Variants in TRIO observed in about 807,000 individuals in gnomAD.
TRIO encodes triple functional domain protein.
A neutral mutation model predicts 351.9 loss-of-function variants in TRIO; 58 were observed. That is an observed-to-expected ratio of 0.16 (90% confidence interval 0.13 to 0.21). The LOEUF is 0.21. TRIO is among the 10% of genes least tolerant of loss of function. The pLI is 1.00. For missense variants in TRIO, 3,201 were observed against 4,027.8 expected, an observed-to-expected ratio of 0.79 and a Z score of 5.56; for synonymous variants, 1,758 against 1,595.7, an observed-to-expected ratio of 1.10 and a Z score of -2.42.
rs1751021868 is a variant in TRIO, at chr5:14,430,661, A to G, written c.5203+10640A>G. Among the ~76,000 whole-genome samples, 5 of 151,754 alleles carry G rather than the reference A, an allele frequency of 3.3e-5. No individual in the cohort carries two copies. The South Asian group carries it at 1.0e-3, about 32-fold the overall frequency. On this transcript the variant is annotated intron_variant, in intron 34 of 56. Coordinates refer to ENST00000344204, the MANE Select transcript of TRIO (RefSeq NM_007118.4). ...TTTCTGAAGGATTCAGTTTCTTACCACAAACATTTCACAGTGAATTTCGTT... is the reference window on the plus strand; with the variant it reads ...TTTCTGAAGGATTCAGTTTCTTACCGCAAACATTTCACAGTGAATTTCGTT...
chr5:14,449,550 C>A (rs571496727), intron 34 of TRIO, among the ~76,000 whole-genome samples: 5 of 152,302 alleles, frequency 3.3e-5, no homozygotes, highest in African/African-American at 1.2e-4. Context: ...CAGCTATAGG[C>A]TCATCTTTTC....
intron 9 of TRIO, among the ~76,000 whole-genome samples, chr5:14,318,343 TACTC>T (rs1346275898): frequency 6.7e-6 from 1 of 149,970 alleles, no homozygotes; most frequent in Non-Finnish European, 1.5e-5. Flanking sequence ...TAATCCCAGT[TACTC>T]AGGAGGCTGA....
chr5:14,267,624 C>T (rs1165696505), intron 1 of TRIO, among the ~76,000 whole-genome samples: 3 of 152,188 alleles, frequency 2.0e-5, no homozygotes, highest in African/African-American at 7.2e-5. Context: ...AATAGCTCTT[C>T]AGGGCATGGA....
At chr5:14,431,578 G>A (rs1751145676) in intron 34 of TRIO, among the ~76,000 whole-genome samples, 1 of 151,890 alleles carries the variant, frequency 6.6e-6, no homozygotes, top group Non-Finnish European at 1.5e-5. Flanking sequence ...ATGCTAGAGG[G>A]GAAGAATATT....
Position 14,472,640 on chromosome 5 carries a change from C to T in TRIO, c.5961C>T (p.Asp1987=). 2.5e-6 allele frequency: 4 copies of T among 1,613,984 alleles called. No homozygotes were observed. The highest frequency in any genetic ancestry group is 3.4e-6 in the Non-Finnish European group (4 of 1,179,940). Residue 1987 remains aspartate (D), a synonymous_variant, in exon 39 of 57, where the codon GAC becomes GAT. Transcript: ENST00000344204. ...LVETERDYVR[D]LGYVVEGYMA... ...AGACAGAGCGTGACTATGTGCGGGA[C>T]CTTGGCTATGTGGTTGAGGTGTGTA...
chr5:14,380,504 C>G (rs901995172), intron 20 of TRIO, among the ~76,000 whole-genome samples: 1 of 151,190 alleles, frequency 6.6e-6, no homozygotes, highest in Non-Finnish European at 1.5e-5. Context: ...CGGCTGACTC[C>G]CCTCTCTCTG....
At chr5:14,331,797 T>G (rs1216404764) in intron 10 of TRIO, among the ~76,000 whole-genome samples, 1 of 152,224 alleles carries the variant, frequency 6.6e-6, no homozygotes. Context: ...TGAAGGTCCT[T>G]TCCTTAATTT....
intron 37 of TRIO, among the ~76,000 whole-genome samples, chr5:14,470,849 A>G (rs1276264459): frequency 1.3e-5 from 2 of 152,224 alleles, no homozygotes; most frequent in African/African-American, 4.8e-5. Context: ...AGTTTGTTGG[A>G]TTGCTGATGT....
intron 34 of TRIO, among the ~76,000 whole-genome samples, chr5:14,443,776 T>C (rs1332619219): frequency 6.6e-6 from 1 of 152,246 alleles, no homozygotes; most frequent in Non-Finnish European, 1.5e-5. Flanking sequence ...CAGGAGAGTT[T>C]TACTGCTAAG....
At chr5:14,386,020 G>A (rs886647841) in intron 21 of TRIO, among the ~76,000 whole-genome samples, 14 of 152,220 alleles carry the variant, frequency 9.2e-5, no homozygotes, top group African/African-American at 3.1e-4. Flanking sequence ...TGAAGGTGAC[G>A]TTCTCACAGG....
At chr5:14,299,741 A>G (rs1432147136) in intron 7 of TRIO, among the ~76,000 whole-genome samples, 1 of 152,226 alleles carries the variant, frequency 6.6e-6, no homozygotes, top group Non-Finnish European at 1.5e-5. Flanking sequence ...AGTTTCCATC[A>G]TAGTCACCTC....
chr5:14,162,796 G>C (rs1788547416), intron 1 of TRIO, among the ~76,000 whole-genome samples: 1 of 152,048 alleles, frequency 6.6e-6, no homozygotes, highest in Non-Finnish European at 1.5e-5. Context: ...ACCACATAAA[G>C]GGTATTTTCT....
At chr5:14,163,097 A>G (rs6554844) in intron 1 of TRIO, among the ~76,000 whole-genome samples, 38,517 of 152,126 alleles carry the variant, frequency 0.25, 5,064 homozygotes, top group Middle Eastern at 0.3. Context: ...TGTTACACCT[A>G]TCAACTCATC....
At chr5:14,430,818 G>T (rs1406190908) in intron 34 of TRIO, among the ~76,000 whole-genome samples, 1 of 151,830 alleles carries the variant, frequency 6.6e-6, no homozygotes, top group African/African-American at 2.4e-5. Context: ...CGAGTTCAAG[G>T]GATTCTCCTG....
chr5:14,414,284 G>A (rs1168229373), intron 33 of TRIO, among the ~76,000 whole-genome samples: 1 of 152,244 alleles, frequency 6.6e-6, no homozygotes. Flanking sequence ...AAAAGCAAGA[G>A]TACAATGTTG....
chr5:14,488,018 G>A lies in TRIO; in HGVS notation c.7390G>A (p.Ala2464Thr), dbSNP rs775534455. Reference sequence around the variant, plus strand: ...GCCGCTGAACTCGCCGCTCTCCAGCGCGGTCCCTTCTCTCGGCAAGGAGCC... The same window carrying A: ...GCCGCTGAACTCGCCGCTCTCCAGCACGGTCCCTTCTCTCGGCAAGGAGCC... The part of the protein sequence containing the change: ...ASPLNSPLSS[A>T]VPSLGKEPFP... The change falls in exon 48 of 57, where the codon GCG (alanine) becomes ACG (threonine). Residue 2464 changes from alanine to threonine, a missense_variant. Transcript: ENST00000344204. 4 of 1,592,596 alleles carry A rather than the reference G, an allele frequency of 2.5e-6. No homozygotes were observed. The highest frequency in any genetic ancestry group is 1.1e-5 in the South Asian group (1 of 87,952).
intron 1 of TRIO, among the ~76,000 whole-genome samples, chr5:14,178,987 C>T (rs922171558): frequency 2.6e-5 from 4 of 152,328 alleles, no homozygotes; most frequent in South Asian, 2.1e-4. Context: ...ACCTGGCTTG[C>T]GTCCTACCCT....
Position 14,280,407 on chromosome 5 carries a change from A to T in TRIO, c.318A>T (p.Arg106Ser), listed in dbSNP as rs1390795101. ...HDRIRQEDLR[R>S]LISYLACIPS... is the part of the protein sequence containing the mutation. ...GAATACGACAGGAGGATCTCAGGAG[A>T]CTCATTTCCTATCTAGCCTGTATTC... Residue 106 changes from arginine (R) to serine (S), a missense_variant, in exon 3 of 57, where the codon AGA becomes AGT. Arg to Ser is a moderately radical substitution (Grantham distance 110, BLOSUM62 -1). Transcript: ENST00000344204. The T allele has an allele frequency of 1.2e-6, 2 of 1,613,702 alleles. No individual in the cohort carries two copies. Among genetic ancestry groups the T allele is most frequent in the African/African-American group, 1.3e-5 (1 of 74,810 alleles).
intron 1 of TRIO, among the ~76,000 whole-genome samples, chr5:14,233,066 A>G (rs552211710): frequency 6.6e-6 from 1 of 152,216 alleles, no homozygotes; most frequent in East Asian, 1.9e-4. Flanking sequence ...AACATGAAGG[A>G]TCACTGGGGG....
Sources: allele counts gnomAD v4.1 joint callset (sites outside exome capture counted in the v4.1 genomes callset), GRCh38; gene constraint gnomAD v4.1.1; transcripts MANE v1.5; gene names NCBI Gene and HGNC (gene_info 2026-07-23, HGNC 2026-07-21).